Variants in SH3TC2 observed in about 807,000 individuals in gnomAD.
The protein encoded by SH3TC2 is SH3 domain and tetratricopeptide repeats 2.
In SH3TC2, 87 loss-of-function variants were observed where a neutral mutation model predicts 124.5. The observed-to-expected ratio is 0.70, with a 90% CI of 0.59 to 0.84. The LOEUF is 0.84. Ranked by LOEUF, SH3TC2 falls within the 40% of genes least tolerant of loss-of-function variation. The pLI is 0.00. For synonymous variants in SH3TC2, 634 were observed against 628.5 expected, an observed-to-expected ratio of 1.01 and a Z score of -0.13; for missense variants, 1,536 against 1,566.4, an observed-to-expected ratio of 0.98 and a Z score of 0.33.
Position 149,002,070 on chromosome 5 carries a change from CA to C in SH3TC2, c.*2640del, listed in dbSNP as rs1753606896. 1 of 152,576 alleles carries C rather than the reference CA, an allele frequency of 6.6e-6. No individual in the cohort carries two copies. Among genetic ancestry groups the C allele is most frequent in the Admixed American group, 6.5e-5 (1 of 15,274 alleles). 9.5% of individuals were successfully genotyped at this position (152,576 alleles called of 1,614,324 possible). ...CCCTCTGTACTCTTCACCCACCGGC[CA>C]ATATCAAAAGCCTCATGCAGTTGTG... is the stretch of plus-strand genomic sequence containing the variant. On this transcript the variant is annotated 3_prime_UTR_variant, in exon 17 of 17. Coordinates refer to ENST00000515425, the MANE Select transcript of SH3TC2 (RefSeq NM_024577.4).
chr5:149,042,955 C>A, intron 4 of SH3TC2, 118 bp from the exon 5 acceptor site: 2 of 1,180,470 alleles, frequency 1.7e-6, no homozygotes, highest in Non-Finnish European at 2.5e-6. Flanking sequence ...CCCCAACCTG[C>A]CATTTAACTG....
rs1432799 is a variant in SH3TC2 at position 149,004,996 on chromosome 5, G to T, written c.3676-94C>A. The T allele has an allele frequency of 0.15, 168,611 of 1,114,436 alleles. 12,854 individuals are homozygous for T. Among genetic ancestry groups the T allele is most frequent in the African/African-American group, 0.31 (19,138 of 62,334 alleles). 69.0% of individuals were successfully genotyped at this position (1,114,436 alleles called of 1,614,324 possible). A position where few individuals can be genotyped will look rare whatever the true frequency, so the allele number is the denominator to read the frequency against. On this transcript the variant is annotated intron_variant, in intron 16 of 16. Transcript: ENST00000515425. ...TGTGCTGGCCACTCTAGTTTTTTTT[G>T]TTTGTTTGTTTGTTTGTTTGTTTGC...
rs763064600 is a variant in SH3TC2 at position 149,007,039 on chromosome 5, C to T, written c.3517G>A (p.Ala1173Thr). The T allele has an allele frequency of 6.2e-7, 1 of 1,614,068 alleles. No homozygotes were observed. The highest frequency in any genetic ancestry group is 1.7e-5 in the Admixed American group (1 of 60,000). Reference protein sequence around the residue: ...RQELVAFHRLATVYYSLHMYE... With the variant: ...RQELVAFHRLTTVYYSLHMYE... ...ATGTGCAGGGAGTAGTACACTGTAGCCAGGCGGTGAAAGGCCACCAGCTCT... is the reference window on the plus strand; with the variant it reads ...ATGTGCAGGGAGTAGTACACTGTAGTCAGGCGGTGAAAGGCCACCAGCTCT... The change falls in exon 16 of 17, where the codon GCT becomes ACT. Residue 1173 changes from alanine to threonine, a missense_variant. Ala to Thr is a moderately conservative substitution (Grantham distance 58). Transcript: ENST00000515425.
Position 149,026,706 on chromosome 5 carries a change from C to T in SH3TC2, c.2919G>A (p.Val973=), listed in dbSNP as rs145528276. 6.6e-5 allele frequency: 106 copies of T among 1,614,176 alleles called. No homozygotes were observed. The African/African-American group carries it at 1.3e-3, about 19-fold the overall frequency. The change falls in exon 12 of 17, where the codon GTG becomes GTA. Residue 973 remains valine, a synonymous_variant. Coordinates refer to ENST00000515425, the MANE Select transcript of SH3TC2 (RefSeq NM_024577.4). Reference sequence around the variant, plus strand: ...TGATGCATGCCTCAGGGTTTGGGGACACAGAGCTGTAGAAATGGCAGAGGG... The same window carrying T: ...TGATGCATGCCTCAGGGTTTGGGGATACAGAGCTGTAGAAATGGCAGAGGG... ...TKSLCHFYSS[V]SPNPEACITY... is the part of the protein sequence containing the mutation.
At position 149,028,051 on chromosome 5, in the gene SH3TC2, C is replaced by T. The variant is rs1192144843; in HGVS notation, c.1681G>A (p.Ala561Thr). The T allele has an allele frequency of 1.2e-6, 2 of 1,614,120 alleles. No homozygotes were observed. Among genetic ancestry groups the T allele is most frequent in the Non-Finnish European group, 8.5e-7 (1 of 1,180,030 alleles). ...FEEAIHILNG[A>T]FEDLSLVATL... is the part of the protein sequence containing the mutation. ...GCCACCAAGGATAGGTCCTCAAATG[C>T]TCCATTGAGAATGTGGATGGCCTCC... The change falls in exon 11 of 17, where the codon GCA becomes ACA. Residue 561 changes from alanine to threonine, a missense_variant. Coordinates refer to ENST00000515425, the MANE Select transcript of SH3TC2 (RefSeq NM_024577.4).
chr5:149,061,106 C>T lies in SH3TC2; in HGVS notation c.52+1865G>A, dbSNP rs567737860. ...GAAAAGTCTCGAGGGAGATACATAGCAGGCTAACTCTTGGTGAAAAGGTGA... is the reference window on the plus strand; with the variant it reads ...GAAAAGTCTCGAGGGAGATACATAGTAGGCTAACTCTTGGTGAAAAGGTGA... On this transcript the variant is annotated intron_variant, in intron 1 of 16. Transcript: ENST00000515425. Among the ~76,000 whole-genome samples, 9 of 152,308 alleles carry T rather than the reference C, an allele frequency of 5.9e-5. 1 individual carries two copies. The South Asian group carries it at 1.9e-3, about 32-fold the overall frequency.
At position 149,012,646 on chromosome 5, in the gene SH3TC2, G is replaced by C; in HGVS notation, c.3142C>G (p.Leu1048Val). The C allele has an allele frequency of 1.9e-6, 3 of 1,614,164 alleles. No homozygotes were observed. The highest frequency in any genetic ancestry group is 1.7e-6 in the Non-Finnish European group (2 of 1,180,032). The change falls in exon 13 of 17, where the codon CTT becomes GTT. Residue 1048 changes from leucine to valine, a missense_variant. Around this residue, in one of 3 missense-constraint regions of SH3TC2, gnomAD observed 426 missense variants for 443.5 expected, o/e 0.96. Transcript: ENST00000515425. ...GETDKAAEAW[L>V]GAGRLHYLMQ... is the part of the protein sequence containing the mutation. Reference sequence around the variant, plus strand: ...AGGTAGTGGAGTCGCCCCGCCCCAAGCCAGGCCTCAGCAGCCTTGTCTGTC... The same window carrying C: ...AGGTAGTGGAGTCGCCCCGCCCCAACCCAGGCCTCAGCAGCCTTGTCTGTC...
intron 13 of SH3TC2, among the ~76,000 whole-genome samples, chr5:149,011,622 T>C (rs1753784167): frequency 6.6e-6 from 1 of 152,336 alleles, no homozygotes; most frequent in South Asian, 2.1e-4. Context: ...ATAATGAGGG[T>C]TAAACTACGT....
chr5:149,053,611 T>C (rs1321115554), intron 1 of SH3TC2, among the ~76,000 whole-genome samples: 2 of 152,230 alleles, frequency 1.3e-5, no homozygotes, highest in Non-Finnish European at 2.9e-5. Context: ...AAAAAGGCAC[T>C]GGCTTGGGAA....
chr5:149,030,261 C>T (rs1467528286), intron 9 of SH3TC2, among the ~76,000 whole-genome samples: 1 of 152,216 alleles, frequency 6.6e-6, no homozygotes. Flanking sequence ...TGGTATACGC[C>T]TTGGGGAAGC....
intron 16 of SH3TC2, among the ~76,000 whole-genome samples, chr5:149,005,575 C>T (rs1213178962): frequency 6.6e-6 from 1 of 152,142 alleles, no homozygotes; most frequent in Non-Finnish European, 1.5e-5. Flanking sequence ...TGTCCCTGAA[C>T]CACTTACTGG....
At chr5:149,012,862 G>T in intron 12 of SH3TC2, 128 bp from the exon 13 acceptor site, 2 of 1,041,218 alleles carry the variant, frequency 1.9e-6, no homozygotes, top group Non-Finnish European at 2.9e-6. Flanking sequence ...AGGTGGGCCT[G>T]ATTGAATGCC....
At chr5:149,031,787 T>C (rs1452496685) in intron 8 of SH3TC2, 100 bp from the exon 9 acceptor site, 10 of 1,516,898 alleles carry the variant, frequency 6.6e-6, no homozygotes, top group Non-Finnish European at 9.0e-6. Flanking sequence ...TGCAGAAAAG[T>C]CATCAAACCA....
chr5:149,030,636 T>C (rs1372638803), intron 9 of SH3TC2, among the ~76,000 whole-genome samples: 1 of 152,264 alleles, frequency 6.6e-6, no homozygotes, highest in Non-Finnish European at 1.5e-5. Context: ...AGGGTGCTTA[T>C]GCCTGAGGCA....
In SH3TC2 at chr5:149,030,231, C is replaced by CA. The variant is rs1343652594; in HGVS notation, c.1135+1322dup. Among the ~76,000 whole-genome samples the CA allele has an allele frequency of 2.0e-5, 3 of 152,208 alleles. 1 individual carries two copies. In the East Asian group the frequency reaches 5.8e-4, roughly 29 times the overall value. Reference sequence around the variant, plus strand: ...GTCCCCTCTCTAGGAGGAAGAATTACAAAGGGCCATCCTTCCCTATGGTAT... The same window carrying CA: ...GTCCCCTCTCTAGGAGGAAGAATTACAAAAGGGCCATCCTTCCCTATGGTAT... On this transcript the variant is annotated intron_variant, in intron 9 of 16. Coordinates refer to ENST00000515425, the MANE Select transcript of SH3TC2 (RefSeq NM_024577.4).
At chr5:149,058,016 A>G (rs10040624) in intron 1 of SH3TC2, among the ~76,000 whole-genome samples, 37,918 of 152,050 alleles carry the variant, frequency 0.25, 5,406 homozygotes, top group African/African-American at 0.37. Context: ...GAGCTGTGGC[A>G]CCCACCACAA....
intron 12 of SH3TC2, among the ~76,000 whole-genome samples, chr5:149,015,464 C>A (rs2127394075): frequency 6.6e-6 from 1 of 152,302 alleles, no homozygotes; most frequent in South Asian, 2.1e-4. Flanking sequence ...GCTTCCAAAG[C>A]CAAAGAAGCA....
Position 149,027,842 on chromosome 5 carries a change from C to T in SH3TC2, c.1890G>A (p.Pro630=), listed in dbSNP as rs143197881. 94 of 1,613,716 alleles carry T rather than the reference C, an allele frequency of 5.8e-5. No individual in the cohort carries two copies. The highest frequency in any genetic ancestry group is 1.5e-4 in the African/African-American group (11 of 74,938). Residue 630 remains proline, a synonymous_variant, in exon 11 of 17, where the codon CCG becomes CCA. Transcript: ENST00000515425. ...CCAGAAAGCAGGCCCTGGCCTCCAGCGGGCTGCTGCCCACCACAATCCCCT... is the reference window on the plus strand; with the variant it reads ...CCAGAAAGCAGGCCCTGGCCTCCAGTGGGCTGCTGCCCACCACAATCCCCT... ...LRQGIVVGSS[P]LEARACFLAI...
intron 7 of SH3TC2, among the ~76,000 whole-genome samples, chr5:149,038,825 G>T (rs942524571): frequency 3.3e-5 from 5 of 152,170 alleles, no homozygotes; most frequent in Admixed American, 2.6e-4. Context: ...TCACTGTATT[G>T]TCCTGGTTTG....
Sources: allele counts gnomAD v4.1 joint callset (sites outside exome capture counted in the v4.1 genomes callset), GRCh38; gene constraint gnomAD v4.1.1; regional missense constraint gnomAD v4.1.1; transcripts MANE v1.5; gene names NCBI Gene and HGNC (gene_info 2026-07-23, HGNC 2026-07-21).